The following RIMKLA variants were observed in gnomAD, a reference collection of about 807,000 sequenced individuals.
The protein encoded by RIMKLA is N-acetylaspartylglutamate synthase A.
Under a neutral mutation model 32.7 loss-of-function variants are expected in RIMKLA, and 14 were observed. The observed-to-expected ratio is 0.43, with a 90% confidence interval of 0.28 to 0.67. The LOEUF is 0.67. Among genes scored for constraint, RIMKLA ranks in the 30% least tolerant of loss-of-function variants. The pLI, the probability that RIMKLA is intolerant of heterozygous loss-of-function variation, is 0.18. For synonymous variants in RIMKLA, 176 were observed against 204.1 expected (o/e 0.86, Z 1.18); for missense variants, 410 against 519.0 (o/e 0.79, Z 2.04).
chr1:42,384,060 A>G (rs781416795), intron 1 of RIMKLA, among the ~76,000 whole-genome samples: 1 of 152,158 alleles, frequency 6.6e-6, no homozygotes, highest in African/African-American at 2.4e-5. Flanking sequence ...TGATTGGGGC[A>G]GGTATGGGCA....
chr1:42,407,465 T>G (rs1397890779), intron 3 of RIMKLA, among the ~76,000 whole-genome samples: 1 of 152,180 alleles, frequency 6.6e-6, no homozygotes, highest in Non-Finnish European at 1.5e-5. Flanking sequence ...AGCCCTTACC[T>G]TTGAGTCTTT....
Position 42,389,675 on chromosome 1 carries a change from G to T in RIMKLA, c.163+8578G>T, listed in dbSNP as rs192877773. Among the ~76,000 whole-genome samples, 5 of 152,160 alleles carry T rather than the reference G, an allele frequency of 3.3e-5. No homozygotes were observed. In the East Asian group the frequency reaches 7.8e-4, roughly 24 times the overall value. The stretch of plus-strand genomic sequence containing the variant: ...AAAAAATAAAAAAATTTAGCCGGGC[G>T]TGGTGGTGCGCGCCCATAATCCCAG... On this transcript the variant is annotated intron_variant, in intron 1 of 4. Transcript: ENST00000431473.
intron 2 of RIMKLA, among the ~76,000 whole-genome samples, chr1:42,400,124 A>G (rs1557754587): frequency 6.6e-6 from 1 of 152,322 alleles, no homozygotes; most frequent in East Asian, 1.9e-4. Context: ...AAGGGAGGTA[A>G]TGTAACAAGA....
intron 1 of RIMKLA, among the ~76,000 whole-genome samples, chr1:42,397,255 A>C (rs1225339307): frequency 6.6e-6 from 1 of 152,120 alleles, no homozygotes; most frequent in South Asian, 2.1e-4. Context: ...TTTGTTTTTC[A>C]TCTTTGTGCC....
In RIMKLA at chr1:42,415,254, C is replaced by G; in HGVS notation, c.*280C>G. The G allele has an allele frequency of 5.9e-6, 2 of 339,044 alleles. No homozygotes were observed. Among genetic ancestry groups the G allele is most frequent in the Non-Finnish European group, 1.1e-5 (2 of 186,182 alleles). 21.0% of individuals were successfully genotyped at this position (339,044 alleles called of 1,614,324 possible). ...ATTACGGCTGACGCTAAGGCACTGA[C>G]TCTGCTGTTGCTTCTGACTTTTAGC... On this transcript the variant is annotated 3_prime_UTR_variant, in exon 5 of 5. Transcript: ENST00000431473.
At position 42,415,995 on chromosome 1, in the gene RIMKLA, T is replaced by C. The variant is rs1303699777; in HGVS notation, c.*1021T>C. On this transcript the variant is annotated 3_prime_UTR_variant, in exon 5 of 5. Coordinates refer to ENST00000431473, the MANE Select transcript of RIMKLA (RefSeq NM_173642.4). ...GGAAACACTCCAATCCCCTTGAAACTCTACTTTTATCTAAGATCCAGACAC... is the reference window on the plus strand; with the variant it reads ...GGAAACACTCCAATCCCCTTGAAACCCTACTTTTATCTAAGATCCAGACAC... The C allele has an allele frequency of 6.7e-6, 1 of 150,184 alleles. No homozygotes were observed. The highest frequency in any genetic ancestry group is 1.5e-5 in the Non-Finnish European group (1 of 67,700). The allele number at this position is 150,184 out of a possible 1,614,324, so 9.3% of individuals were successfully genotyped here.
intron 1 of RIMKLA, among the ~76,000 whole-genome samples, chr1:42,392,874 C>T (rs2148386567): frequency 6.6e-6 from 1 of 152,244 alleles, no homozygotes; most frequent in Admixed American, 6.5e-5. Context: ...TGCCTGTAGT[C>T]CCAGCTACTC....
intron 3 of RIMKLA, 113 bp downstream of exon 3, chr1:42,404,710 GA>G: frequency 1.5e-6 from 1 of 668,440 alleles, no homozygotes; most frequent in Non-Finnish European, 2.7e-6. Context: ...CCCCTTTGAG[GA>G]GCTTGCAGTG....
chr1:42,407,436 C>T (rs1430249027), intron 3 of RIMKLA, among the ~76,000 whole-genome samples: 3 of 152,116 alleles, frequency 2.0e-5, no homozygotes, highest in African/African-American at 4.8e-5. Context: ...ATGTTGCCTT[C>T]TAAAAGCTTC....
At chr1:42,407,639 G>A (rs892601086) in intron 3 of RIMKLA, among the ~76,000 whole-genome samples, 6 of 152,252 alleles carry the variant, frequency 3.9e-5, no homozygotes, top group South Asian at 2.1e-4. Context: ...CACCATGTGC[G>A]TGAAGGTTGA....
chr1:42,414,619 C>T lies in RIMKLA; in HGVS notation c.821C>T (p.Ala274Val), dbSNP rs1643229513. 1 of 1,614,094 alleles carries T rather than the reference C, an allele frequency of 6.2e-7. No individual in the cohort carries two copies. Among genetic ancestry groups the T allele is most frequent in the Non-Finnish European group, 8.5e-7 (1 of 1,180,050 alleles). Residue 274 changes from alanine to valine, a missense_variant, in exon 5 of 5, where the codon GCA (alanine) becomes GTA (valine). Physicochemically the swap from Ala to Val is moderately conservative, Grantham distance 64 (BLOSUM62 0). Transcript: ENST00000431473. The stretch of plus-strand genomic sequence containing the variant: ...GATGGCTCCTTTGTGGTGTGTGAGG[C>T]AAATGCTAATGTTGGCTTCCTAGCC... ...MDDGSFVVCE[A>V]NANVGFLAFD...
rs1352410875 is a variant in RIMKLA, at chr1:42,414,982, C to A, written c.*8C>A. 1 of 1,592,340 alleles carries A rather than the reference C, an allele frequency of 6.3e-7. No homozygotes were observed. The highest frequency in any genetic ancestry group is 8.6e-7 in the Non-Finnish European group (1 of 1,169,334). On this transcript the variant is annotated 3_prime_UTR_variant, in exon 5 of 5. Transcript: ENST00000431473. The stretch of plus-strand genomic sequence containing the variant: ...GAGTTAAAACTTAAGTGAATTCCTG[C>A]TTTTTGGCAGCATTTAAACCAAATC...
intron 1 of RIMKLA, among the ~76,000 whole-genome samples, chr1:42,385,838 T>TCC (rs1557749878): frequency 5.8e-5 from 4 of 69,560 alleles, no homozygotes; most frequent in Admixed American, 1.5e-4. Flanking sequence ...CTTTCTTTCT[T>TCC]TCTTTCTCTT....
chr1:42,399,485 A>G lies in RIMKLA; in HGVS notation c.245A>G (p.Asp82Gly). The change falls in exon 2 of 5, where the codon GAC (aspartate) becomes GGC (glycine). Residue 82 changes from aspartate (D) to glycine (G), a missense_variant. Physicochemically the swap from Asp to Gly is moderately conservative, Grantham distance 94. Transcript: ENST00000431473. ...VRVPTPSVQS[D>G]SDITVLRHLE... ...GTACCCACACCCTCAGTGCAGTCAG[A>G]CAGTGACATCACTGTCCTGCGACAC... 3 of 1,613,524 alleles carry G rather than the reference A, an allele frequency of 1.9e-6. No individual in the cohort carries two copies. The highest frequency in any genetic ancestry group is 2.5e-6 in the Non-Finnish European group (3 of 1,179,796).
chr1:42,406,111 G>T (rs12403406), intron 3 of RIMKLA, among the ~76,000 whole-genome samples: 23,988 of 152,172 alleles, frequency 0.16, 1,975 homozygotes, highest in East Asian at 0.22. Flanking sequence ...AGGCTTTGGG[G>T]ATACAGATAA....
At chr1:42,398,339 A>G (rs1220867237) in intron 1 of RIMKLA, among the ~76,000 whole-genome samples, 1 of 152,232 alleles carries the variant, frequency 6.6e-6, no homozygotes, top group Admixed American at 6.5e-5. Flanking sequence ...GCATCACGTC[A>G]TCTTGCAAAG....
intron 1 of RIMKLA, among the ~76,000 whole-genome samples, chr1:42,384,565 A>G (rs1642919697): frequency 6.8e-6 from 1 of 147,042 alleles, no homozygotes; most frequent in African/African-American, 2.5e-5. Context: ...GTATATATAC[A>G]TATATATGTG....
intron 4 of RIMKLA, 67 bp from the exon 5 acceptor site, chr1:42,414,415 CTG>C: frequency 6.5e-7 from 1 of 1,529,148 alleles, no homozygotes; most frequent in Non-Finnish European, 8.9e-7. Flanking sequence ...GGGCAGATCC[CTG>C]TCTCTTCTTT....
chr1:42,411,685 TATTTTTG>T, intron 4 of RIMKLA, among the ~76,000 whole-genome samples: 1 of 143,394 alleles, frequency 7.0e-6, no homozygotes, highest in African/African-American at 2.7e-5. Context: ...TTTATTTATT[TATTTTTG>T]AGACAGAGTC....
Sources: allele counts gnomAD v4.1 joint callset (sites outside exome capture counted in the v4.1 genomes callset), GRCh38; gene constraint gnomAD v4.1.1; transcripts MANE v1.5; gene names NCBI Gene and HGNC (gene_info 2026-07-23, HGNC 2026-07-21).